CFAP99: variants seen among roughly 807,000 people sequenced by gnomAD.
The protein encoded by CFAP99 is cilia and flagella associated protein 99.
CFAP99 carries 84 observed loss-of-function variants against 82.7 expected under a neutral mutation model. The observed-to-expected ratio is 1.02, with a 90% CI of 0.85 to 1.22. The LOEUF (loss-of-function observed/expected upper bound fraction) is 1.22. CFAP99 is among the 50% of genes most tolerant of loss of function. CFAP99 has a pLI of 0.00. For missense variants in CFAP99, 1,059 were observed against 983.5 expected (o/e 1.08, Z -1.03); for synonymous variants, 456 against 429.5 (o/e 1.06, Z -0.76).
intron 5 of CFAP99, among the ~76,000 whole-genome samples, chr4:2,444,191 C>G (rs1036763533): frequency 6.6e-6 from 1 of 152,138 alleles, no homozygotes; most frequent in Non-Finnish European, 1.5e-5. Context: ...CCTGCTGGTG[C>G]CCCTACCTTG....
At chr4:2,419,461 C>T (rs1371457031) in intron 1 of CFAP99, among the ~76,000 whole-genome samples, 1 of 152,170 alleles carries the variant, frequency 6.6e-6, no homozygotes, top group Admixed American at 6.5e-5. Context: ...CCGGCGTGCC[C>T]TGGCTGTGGG....
intron 11 of CFAP99, among the ~76,000 whole-genome samples, chr4:2,454,237 G>A (rs151317880): frequency 1.2e-3 from 177 of 152,236 alleles, no homozygotes; most frequent in Middle Eastern, 3.4e-3. Flanking sequence ...TCCTGGCCTC[G>A]TGATCCACCC....
At chr4:2,443,302 C>A in intron 5 of CFAP99, 60 bp downstream of exon 5, 2 of 1,082,094 alleles carry the variant, frequency 1.8e-6, no homozygotes, top group Non-Finnish European at 2.7e-6. Context: ...TTCCAGGTGC[C>A]TCCACGGGCA....
intron 2 of CFAP99, among the ~76,000 whole-genome samples, chr4:2,431,301 G>A (rs186495135): frequency 4.6e-5 from 7 of 152,056 alleles, no homozygotes; most frequent in South Asian, 2.1e-4. Context: ...CCTGGGAGGC[G>A]GAGGTTGCAG....
intron 1 of CFAP99, among the ~76,000 whole-genome samples, chr4:2,423,888 G>A (rs1036609470): frequency 2.0e-5 from 3 of 151,742 alleles, no homozygotes; most frequent in African/African-American, 7.3e-5. Context: ...GACATGGGGT[G>A]GGGGGAGGGG....
At chr4:2,422,678 G>C (rs925581527) in intron 1 of CFAP99, among the ~76,000 whole-genome samples, 2 of 152,202 alleles carry the variant, frequency 1.3e-5, no homozygotes, top group Non-Finnish European at 1.5e-5. Flanking sequence ...CCTCCAGGCA[G>C]AGCTGTATCC....
At chr4:2,453,379 T>A (rs1734345418) in intron 11 of CFAP99, among the ~76,000 whole-genome samples, 1 of 152,226 alleles carries the variant, frequency 6.6e-6, no homozygotes, top group African/African-American at 2.4e-5. Context: ...TATTTCCAGA[T>A]GTCACACCAA....
chr4:2,436,944 T>A (rs1733926323), exon 3 of CFAP99: 1 of 1,535,960 alleles, frequency 6.5e-7, no homozygotes, highest in Admixed American at 2.0e-5. Context: ...CGGAAGCTGC[T>A]GACCGTCGTG....
chr4:2,435,853 G>A lies in CFAP99; in HGVS notation c.112-1021G>A, dbSNP rs1045187289. Among the ~76,000 whole-genome samples the A allele has an allele frequency of 1.3e-4, 20 of 148,774 alleles. 1 individual carries two copies. Among genetic ancestry groups the A allele is most frequent in the Non-Finnish European group, 3.0e-5 (2 of 66,558 alleles). ...GTGGGAAGCAGCTACTCAGGAGGCC[G>A]AGGTGGGAAGCAGCTACTCAGGAGG... is the stretch of plus-strand genomic sequence containing the variant. On this transcript the variant is annotated intron_variant, in intron 2 of 14. Coordinates refer to ENST00000635017, the Ensembl canonical transcript of CFAP99.
intron 11 of CFAP99, 106 bp from the exon 12 acceptor site, chr4:2,458,617 G>A (rs947786967): frequency 5.1e-6 from 7 of 1,383,168 alleles, no homozygotes; most frequent in African/African-American, 2.9e-5. Flanking sequence ...CAAGGGCAGG[G>A]ACTGGGTCCA....
At chr4:2,451,668 C>G (rs867141325) in intron 10 of CFAP99, among the ~76,000 whole-genome samples, 1 of 152,178 alleles carries the variant, frequency 6.6e-6, no homozygotes, top group African/African-American at 2.4e-5. Flanking sequence ...TCCTAGACCA[C>G]CAGGGCTGCA....
intron 4 of CFAP99, among the ~76,000 whole-genome samples, chr4:2,439,601 A>G (rs1186829043): frequency 1.3e-5 from 2 of 152,246 alleles, no homozygotes; most frequent in Non-Finnish European, 2.9e-5. Flanking sequence ...GTACACATCA[A>G]TGACACATTT....
chr4:2,443,006 G>T (rs1176530343), intron 4 of CFAP99, 124 bp from the exon 5 acceptor site: 132 of 380,032 alleles, frequency 3.5e-4, no homozygotes, highest in Non-Finnish European at 5.0e-4. Flanking sequence ...GGGGGCCTTG[G>T]GGGGAGCCAC....
At chr4:2,433,377 C>A (rs1277171196) in intron 2 of CFAP99, among the ~76,000 whole-genome samples, 1 of 151,150 alleles carries the variant, frequency 6.6e-6, no homozygotes, top group Non-Finnish European at 1.5e-5. Context: ...TCGGAAGGGT[C>A]TGTCCTGGCT....
At chr4:2,458,660 G>A (rs1734493721) in intron 11 of CFAP99, 63 bp from the exon 12 acceptor site, 2 of 1,493,504 alleles carry the variant, frequency 1.3e-6, no homozygotes, top group Admixed American at 2.1e-5. Context: ...CTGGGCTGGG[G>A]CGGGACCAGG....
chr4:2,437,671 G>A (rs1274201400), intron 3 of CFAP99, among the ~76,000 whole-genome samples: 1 of 152,318 alleles, frequency 6.6e-6, no homozygotes, highest in East Asian at 1.9e-4. Flanking sequence ...GATGCGCAGC[G>A]CGTCCAGGCC....
chr4:2,439,741 G>A (rs1156403700), intron 4 of CFAP99, among the ~76,000 whole-genome samples: 1 of 152,206 alleles, frequency 6.6e-6, no homozygotes, highest in Non-Finnish European at 1.5e-5. Flanking sequence ...TGGAGACTGA[G>A]TTGGGGCCAG....
intron 2 of CFAP99, among the ~76,000 whole-genome samples, chr4:2,434,715 G>A (rs548965632): frequency 1.8e-4 from 27 of 152,314 alleles, no homozygotes; most frequent in African/African-American, 4.6e-4. Context: ...AAGAAAAGGC[G>A]CATCCCCCAA....
chr4:2,442,379 G>C (rs1425734914), intron 4 of CFAP99, among the ~76,000 whole-genome samples: 1 of 152,130 alleles, frequency 6.6e-6, no homozygotes, highest in Non-Finnish European at 1.5e-5. Flanking sequence ...GCTGCGGAAG[G>C]CTCTAGAGGG....
Sources: gnomAD v4.1 joint callset for allele counts (sites outside exome capture counted in the v4.1 genomes callset) on GRCh38, gnomAD v4.1.1 for gene constraint, MANE v1.5 for transcripts, NCBI Gene and HGNC (gene_info 2026-07-23, HGNC 2026-07-21) for gene names.